The following ZMYND8 variants were observed in gnomAD, a reference collection of about 807,000 sequenced individuals.
ZMYND8 encodes MYND-type zinc finger-containing chromatin reader ZMYND8.
Under a neutral mutation model 140.8 loss-of-function variants are expected in ZMYND8, and 37 were observed. The ratio of observed to expected loss-of-function variants is 0.26; its 90% CI spans 0.20 to 0.35. The LOEUF (loss-of-function observed/expected upper bound fraction) is 0.35. ZMYND8 is among the 10% of genes least tolerant of loss of function. ZMYND8 has a pLI of 1.00. For missense variants in ZMYND8, 1,068 were observed against 1,570.0 expected (o/e 0.68, Z 5.40); for synonymous variants, 592 against 597.1 (o/e 0.99, Z 0.12).
intron 11 of ZMYND8, among the ~76,000 whole-genome samples, chr20:47,268,890 A>T (rs2075737361): frequency 6.6e-6 from 1 of 152,232 alleles, no homozygotes; most frequent in South Asian, 2.1e-4. Context: ...TAAAAGAGTG[A>T]TTAACAATCC....
intron 21 of ZMYND8, among the ~76,000 whole-genome samples, chr20:47,217,504 G>A (rs572472281): frequency 2.0e-4 from 31 of 152,110 alleles, no homozygotes; most frequent in Non-Finnish European, 3.5e-4. Context: ...AGGTGCTTCC[G>A]TCATATTTAA....
chr20:47,290,979 T>C (rs1339624409), intron 6 of ZMYND8, among the ~76,000 whole-genome samples: 3 of 152,200 alleles, frequency 2.0e-5, no homozygotes, highest in Admixed American at 6.6e-5. Context: ...AAGTACTTAT[T>C]ATCATACCCA....
chr20:47,287,307 T>C, intron 7 of ZMYND8, 23 bp from the exon 8 acceptor site: 1 of 1,600,426 alleles, frequency 6.2e-7, no homozygotes, highest in Non-Finnish European at 8.6e-7. Flanking sequence ...GAAAACAGGA[T>C]TAATTCTAAT....
intron 14 of ZMYND8, among the ~76,000 whole-genome samples, chr20:47,244,908 T>G (rs1364378544): frequency 6.6e-6 from 1 of 151,940 alleles, no homozygotes; most frequent in Admixed American, 6.6e-5. Context: ...AATACAAAAA[T>G]TAGCCAGGCG....
intron 14 of ZMYND8, among the ~76,000 whole-genome samples, chr20:47,243,435 G>A (rs2040198130): frequency 6.6e-6 from 1 of 152,144 alleles, no homozygotes. Context: ...AAGCTTCCTG[G>A]AGAAATTCCC....
chr20:47,215,146 G>A (rs1336983647), intron 21 of ZMYND8, among the ~76,000 whole-genome samples: 5 of 152,208 alleles, frequency 3.3e-5, no homozygotes, highest in Non-Finnish European at 7.3e-5. Flanking sequence ...GCCGAGGCAG[G>A]TGGATTGCCT....
At chr20:47,237,348 G>C (rs139994348) in intron 15 of ZMYND8, 2,234 of 151,596 alleles carry the variant, frequency 0.015, 34 homozygotes, top group Non-Finnish European at 0.025. Context: ...AGTAGAGATG[G>C]GGTTTCACCA....
chr20:47,317,275 AATTT>A (rs1330559653), intron 2 of ZMYND8, among the ~76,000 whole-genome samples: 17 of 152,212 alleles, frequency 1.1e-4, no homozygotes, highest in African/African-American at 2.6e-4. Flanking sequence ...TTCACCTCCC[AATTT>A]CCAAACAGTG....
At chr20:47,348,958 G>C (rs991284471) in intron 1 of ZMYND8, 4 of 152,180 alleles carry the variant, frequency 2.6e-5, no homozygotes, top group South Asian at 2.1e-4. Flanking sequence ...GGAAGAAATG[G>C]GTGCATCACC....
intron 1 of ZMYND8, 179 bp downstream of exon 1, chr20:47,356,478 G>A (rs1364603113): frequency 6.3e-7 from 1 of 1,579,516 alleles, no homozygotes; most frequent in African/African-American, 1.4e-5. Flanking sequence ...TATGGCTAAT[G>A]GCTACTGAGC....
chr20:47,211,549 CTGAG>C (rs2035255974), intron 22 of ZMYND8, among the ~76,000 whole-genome samples: 1 of 152,088 alleles, frequency 6.6e-6, no homozygotes, highest in African/African-American at 2.4e-5. Flanking sequence ...TGAGTAGTGA[CTGAG>C]TAAGAAATAA....
chr20:47,245,811 G>A (rs1568976048), intron 14 of ZMYND8, among the ~76,000 whole-genome samples, 197 bp downstream of exon 14: 1 of 152,202 alleles, frequency 6.6e-6, no homozygotes, highest in African/African-American at 2.4e-5. Context: ...GCCCATGTTT[G>A]AGTCCAGGTC....
intron 3 of ZMYND8, among the ~76,000 whole-genome samples, chr20:47,303,553 A>G (rs752702980): frequency 2.0e-5 from 3 of 152,102 alleles, no homozygotes; most frequent in Non-Finnish European, 2.9e-5. Flanking sequence ...CCCCGTCTCT[A>G]CTAAAACTAT....
At chr20:47,294,561 G>C in intron 5 of ZMYND8, 105 bp downstream of exon 5, 1 of 1,002,520 alleles carries the variant, frequency 1.0e-6, no homozygotes. Context: ...GATGCAAGGA[G>C]GCCCAAAGAA....
chr20:47,336,702 G>A (rs2081411811), intron 2 of ZMYND8, among the ~76,000 whole-genome samples: 1 of 152,240 alleles, frequency 6.6e-6, no homozygotes, highest in Non-Finnish European at 1.5e-5. Flanking sequence ...ACCCGGAAAT[G>A]CGTTTTGTTG....
intron 5 of ZMYND8, 84 bp from the exon 6 acceptor site, chr20:47,291,972 A>C: frequency 8.2e-7 from 1 of 1,219,188 alleles, no homozygotes; most frequent in East Asian, 2.5e-5. Flanking sequence ...GGCTTGAAAA[A>C]TTGAGACAAC....
At chr20:47,252,024 G>A (rs1237597137) in intron 12 of ZMYND8, among the ~76,000 whole-genome samples, 1 of 151,968 alleles carries the variant, frequency 6.6e-6, no homozygotes, top group Admixed American at 6.6e-5. Flanking sequence ...GCCGGGCGCA[G>A]CAGTTCACGC....
rs1411511385 is a variant in ZMYND8, at chr20:47,294,782, A to G, written c.454-3T>C. ...ATGCATTCTGCTACTGTAATTTTCTACAAAGTCAAAGTCATACATAAACGT... is the reference window on the plus strand; with the variant it reads ...ATGCATTCTGCTACTGTAATTTTCTGCAAAGTCAAAGTCATACATAAACGT... On this transcript the variant is annotated splice_region_variant and splice_polypyrimidine_tract_variant and intron_variant, in intron 4 of 22. Transcript: ENST00000471951. The G allele has an allele frequency of 1.2e-6, 2 of 1,613,636 alleles. No individual in the cohort carries two copies. The highest frequency in any genetic ancestry group is 1.7e-6 in the Non-Finnish European group (2 of 1,179,538).
At chr20:47,354,499 T>G (rs1033454521) in intron 1 of ZMYND8, 1 of 152,202 alleles carries the variant, frequency 6.6e-6, no homozygotes, top group East Asian at 1.9e-4. Flanking sequence ...CAGTTTTAAG[T>G]ATATAACATC....
Sources: gnomAD v4.1 joint callset for allele counts (sites outside exome capture counted in the v4.1 genomes callset) on GRCh38, gnomAD v4.1.1 for gene constraint, MANE v1.5 for transcripts, NCBI Gene and HGNC (gene_info 2026-07-23, HGNC 2026-07-21) for gene names.